SEC31A: variants seen among roughly 807,000 people sequenced by gnomAD.
SEC31A encodes the protein protein transport protein Sec31A.
In SEC31A, 70 loss-of-function variants were observed where a neutral mutation model predicts 151.0. The observed-to-expected ratio is 0.46, with a 90% CI of 0.38 to 0.57. The LOEUF is 0.57. Ranked by LOEUF, SEC31A falls within the 20% of genes least tolerant of loss-of-function variation. SEC31A has a pLI of 0.00. For synonymous variants in SEC31A, 475 were observed against 505.9 expected (o/e 0.94, Z 0.82); for missense variants, 1,330 against 1,471.2 (o/e 0.90, Z 1.57).
chr4:82,867,357 T>TA, intron 8 of SEC31A, 41 bp from the exon 9 acceptor site: 1 of 1,585,746 alleles, frequency 6.3e-7, no homozygotes, highest in Non-Finnish European at 8.6e-7. Flanking sequence ...CAGAAAATGG[T>TA]ATGGCCACTT....
intron 4 of SEC31A, 60 bp downstream of exon 4, chr4:82,878,670 T>C: frequency 1.4e-6 from 2 of 1,403,000 alleles, no homozygotes; most frequent in South Asian, 1.2e-5. Flanking sequence ...AGTAGATTCA[T>C]ATACTGATTT....
At chr4:82,863,603 G>T (rs1734655173) in intron 11 of SEC31A, among the ~76,000 whole-genome samples, 1 of 151,794 alleles carries the variant, frequency 6.6e-6, no homozygotes, top group East Asian at 1.9e-4. Context: ...CATGTGCCCA[G>T]AATTATTTTT....
chr4:82,860,835 C>T (rs1733977594), intron 14 of SEC31A, among the ~76,000 whole-genome samples: 1 of 152,018 alleles, frequency 6.6e-6, no homozygotes, highest in South Asian at 2.1e-4. Flanking sequence ...GTTAATTAAA[C>T]TCTAGGAGAT....
At position 82,853,566 on chromosome 4, in the gene SEC31A, C is replaced by T; in HGVS notation, c.2154+4G>A. Reference sequence around the variant, plus strand: ...TTAAGTGCCTTTTGTTTCAAAGATACTACCTGAAGTGACAAAGGGTGGCTT... The same window carrying T: ...TTAAGTGCCTTTTGTTTCAAAGATATTACCTGAAGTGACAAAGGGTGGCTT... On this transcript the variant is annotated splice_donor_region_variant and intron_variant, in intron 18 of 26. Transcript: ENST00000395310. The T allele has an allele frequency of 6.4e-7, 1 of 1,563,950 alleles. No homozygotes were observed. The highest frequency in any genetic ancestry group is 8.6e-7 in the Non-Finnish European group (1 of 1,165,622).
At chr4:82,820,944 C>T (rs917019603) in intron 26 of SEC31A, 93 bp downstream of exon 26, 105 of 1,004,724 alleles carry the variant, frequency 1.0e-4, no homozygotes, top group Non-Finnish European at 1.6e-4. Flanking sequence ...ATTTTGCCCC[C>T]ATGCATACTA....
At chr4:82,880,674 A>T (rs1377865120) in intron 3 of SEC31A, 125 bp downstream of exon 3, 4 of 830,460 alleles carry the variant, frequency 4.8e-6, no homozygotes, top group Non-Finnish European at 7.1e-6. Context: ...GCTTTTTCAC[A>T]AAATATTTCA....
At chr4:82,832,401 G>A (rs4632651) in intron 22 of SEC31A, among the ~76,000 whole-genome samples, 151,856 of 152,296 alleles carry the variant, frequency 1, 75,708 homozygotes, top group Non-Finnish European at 1. Flanking sequence ...CCTATATAAA[G>A]ATCAACTCAA....
chr4:82,857,912 T>C (rs1733043605), intron 14 of SEC31A, 148 bp from the exon 15 acceptor site: 2 of 546,564 alleles, frequency 3.7e-6, no homozygotes, highest in Non-Finnish European at 6.6e-6. Context: ...AATTTACAAC[T>C]AAGATCTATG....
rs370320686 is a variant in SEC31A at position 82,860,774 on chromosome 4, G to C, written c.1626+857C>G. 2.0e-4 allele frequency among the ~76,000 whole-genome samples: 31 copies of C among 151,972 alleles called. No individual in the cohort carries two copies. In the East Asian group the frequency reaches 5.0e-3, roughly 25 times the overall value. On this transcript the variant is annotated intron_variant, in intron 14 of 26. Coordinates refer to ENST00000395310, the MANE Select transcript of SEC31A (RefSeq NM_001077207.4). ...ACAGGCATAAGCAAACATCATGCCTGGCCTAGTTCAAAGTTTTAGTAAAGA... is the reference window on the plus strand; with the variant it reads ...ACAGGCATAAGCAAACATCATGCCTCGCCTAGTTCAAAGTTTTAGTAAAGA...
chr4:82,859,460 A>C (rs990594435), intron 14 of SEC31A, among the ~76,000 whole-genome samples: 25 of 152,222 alleles, frequency 1.6e-4, no homozygotes, highest in Non-Finnish European at 3.4e-4. Context: ...TTAAAGAAAA[A>C]CAAAGCTTTC....
At chr4:82,846,380 TAATAA>T (rs1214842018) in intron 20 of SEC31A, among the ~76,000 whole-genome samples, 2 of 147,562 alleles carry the variant, frequency 1.4e-5, no homozygotes, top group Admixed American at 6.8e-5. Flanking sequence ...ATAATAATAA[TAATAA>T]TAATAATAAT....
intron 1 of SEC31A, among the ~76,000 whole-genome samples, chr4:82,889,688 A>T (rs1453692670): frequency 1.2e-4 from 19 of 152,180 alleles, no homozygotes; most frequent in Admixed American, 1.2e-3. Flanking sequence ...CAGTTTACAA[A>T]TTTATTTCTA....
At chr4:82,863,182 G>T (rs1218139440) in intron 12 of SEC31A, 136 bp downstream of exon 12, 9 of 589,396 alleles carry the variant, frequency 1.5e-5, no homozygotes, top group Admixed American at 3.8e-5. Flanking sequence ...AAAAGAAAAA[G>T]GGAAAAAACG....
intron 25 of SEC31A, chr4:82,821,441 G>A (rs1013854567): frequency 3.7e-4 from 72 of 195,882 alleles, no homozygotes; most frequent in African/African-American, 1.6e-3. Context: ...CCAGCTAGTC[G>A]GAAGGCTGAG....
intron 22 of SEC31A, among the ~76,000 whole-genome samples, chr4:82,840,397 T>C (rs992275016): frequency 2.6e-5 from 4 of 152,062 alleles, no homozygotes; most frequent in African/African-American, 9.7e-5. Context: ...TAAAAGGTAA[T>C]TTTTGGAACT....
At chr4:82,884,295 C>T (rs900613327) in intron 1 of SEC31A, among the ~76,000 whole-genome samples, 7 of 151,748 alleles carry the variant, frequency 4.6e-5, no homozygotes, top group African/African-American at 1.7e-4. Context: ...GGCCATCATT[C>T]GACAATTTTT....
intron 20 of SEC31A, among the ~76,000 whole-genome samples, chr4:82,845,458 C>CA (rs1182049907): frequency 5.7e-5 from 8 of 140,382 alleles, no homozygotes; most frequent in Admixed American, 1.4e-4. Context: ...CTGGAATTCC[C>CA]AAAAAAACAA....
At position 82,844,458 on chromosome 4, in the gene SEC31A, T is replaced by G; in HGVS notation, c.2554A>C (p.Asn852His). 6.2e-7 allele frequency: 1 copy of G among 1,613,854 alleles called. No individual in the cohort carries two copies. The highest frequency in any genetic ancestry group is 8.5e-7 in the Non-Finnish European group (1 of 1,179,712). The change falls in exon 21 of 27, where the codon AAT becomes CAT. Residue 852 changes from asparagine (N) to histidine (H), a missense_variant. Transcript: ENST00000395310. ...GFIMHGNVNP[N>H]AAGQLPTSPG... ...GATGTGGGAAGCTGACCAGCAGCAT[T>G]TGGATTAACATTTCCATGCATTATG...
At chr4:82,820,915 T>G in intron 26 of SEC31A, 122 bp downstream of exon 26, 3 of 745,692 alleles carry the variant, frequency 4.0e-6, no homozygotes, top group Non-Finnish European at 4.7e-6. Context: ...GCCATGCCCA[T>G]TCTCTAAATG....
Sources: gnomAD v4.1 joint callset for allele counts (sites outside exome capture counted in the v4.1 genomes callset) on GRCh38, gnomAD v4.1.1 for gene constraint, MANE v1.5 for transcripts, NCBI Gene and HGNC (gene_info 2026-07-23, HGNC 2026-07-21) for gene names.